The following MSRA variants were observed in gnomAD, a reference collection of about 807,000 sequenced individuals.
The protein encoded by MSRA is mitochondrial peptide methionine sulfoxide reductase.
A neutral mutation model predicts 31.3 loss-of-function variants in MSRA; 54 were observed. That is an observed-to-expected ratio of 1.73 (90% CI 1.39 to 2.17). MSRA has a LOEUF of 2.17. MSRA is among the 30% of genes most tolerant of loss of function. MSRA has a pLI of 0.00. For synonymous variants in MSRA, 169 were observed against 116.5 expected (o/e 1.45, Z -2.90); for missense variants, 507 against 300.9 (o/e 1.69, Z -5.07).
At chr8:10,421,506 C>T (rs773789451) in intron 5 of MSRA, among the ~76,000 whole-genome samples, 8 of 151,814 alleles carry the variant, frequency 5.3e-5, no homozygotes, top group South Asian at 2.1e-4. Flanking sequence ...GGTATGAGAG[C>T]GTGTCACCTC....
At chr8:10,259,416 C>G (rs745630511) in intron 3 of MSRA, among the ~76,000 whole-genome samples, 9 of 152,082 alleles carry the variant, frequency 5.9e-5, no homozygotes, top group Non-Finnish European at 1.0e-4. Context: ...AGGAACACTG[C>G]TCATAATTAG....
rs559879869 is a variant in MSRA, at chr8:10,369,079, C to T, written c.543+49090C>T. ...CCAAGCTCAGGATTCACAATGAGTT[C>T]GAGATGAACTCTACATTCAGTTTTT... On this transcript the variant is annotated intron_variant, in intron 5 of 5. Coordinates refer to ENST00000317173, the MANE Select transcript of MSRA (RefSeq NM_012331.5). Among the ~76,000 whole-genome samples the T allele has an allele frequency of 9.2e-5, 14 of 152,194 alleles. No homozygotes were observed. In the South Asian group the frequency reaches 2.3e-3, roughly 25 times the overall value.
intron 5 of MSRA, among the ~76,000 whole-genome samples, chr8:10,415,120 G>A (rs1157403525): frequency 6.6e-6 from 1 of 152,192 alleles, no homozygotes; most frequent in South Asian, 2.1e-4. Context: ...ATGGGTGGTT[G>A]CACATTTCAA....
At chr8:10,348,925 G>A (rs1040852333) in intron 5 of MSRA, among the ~76,000 whole-genome samples, 5 of 152,042 alleles carry the variant, frequency 3.3e-5, no homozygotes, top group Admixed American at 6.5e-5. Flanking sequence ...TGTTGCTCAC[G>A]AGATCTAAAA....
At chr8:10,118,197 C>T (rs539781862) in intron 1 of MSRA, among the ~76,000 whole-genome samples, 1 of 152,218 alleles carries the variant, frequency 6.6e-6, no homozygotes, top group East Asian at 1.9e-4. Context: ...GTTCATTGCC[C>T]ATATAGCCTT....
intron 3 of MSRA, among the ~76,000 whole-genome samples, chr8:10,248,823 T>C (rs960860088): frequency 2.6e-5 from 4 of 152,198 alleles, no homozygotes; most frequent in Non-Finnish European, 4.4e-5. Flanking sequence ...GCACCCGACA[T>C]GCGTAGAGAA....
chr8:10,312,850 T>C (rs1801508355), intron 4 of MSRA, among the ~76,000 whole-genome samples: 1 of 152,230 alleles, frequency 6.6e-6, no homozygotes, highest in Non-Finnish European at 1.5e-5. Context: ...TCAGTATTCA[T>C]AAATGATTTA....
intron 1 of MSRA, among the ~76,000 whole-genome samples, chr8:10,179,643 G>A (rs900129439): frequency 2.0e-5 from 3 of 152,178 alleles, no homozygotes; most frequent in Non-Finnish European, 2.9e-5. Flanking sequence ...AGCTGATGGG[G>A]CATATTAATT....
chr8:10,155,500 T>C (rs1253134575), intron 1 of MSRA, among the ~76,000 whole-genome samples: 1 of 152,160 alleles, frequency 6.6e-6, no homozygotes, highest in Non-Finnish European at 1.5e-5. Flanking sequence ...CTGAAGAGCG[T>C]AGAAGCTGTG....
chr8:10,289,711 C>A (rs1800129464), intron 3 of MSRA, among the ~76,000 whole-genome samples: 1 of 152,136 alleles, frequency 6.6e-6, no homozygotes, highest in Non-Finnish European at 1.5e-5. Flanking sequence ...GCTCGTAGGG[C>A]CTCTCTAGTT....
intron 1 of MSRA, among the ~76,000 whole-genome samples, chr8:10,198,025 G>T (rs1353309429): frequency 6.6e-6 from 1 of 152,196 alleles, no homozygotes; most frequent in Non-Finnish European, 1.5e-5. Flanking sequence ...AAACAGAGGA[G>T]TGGGACTTAG....
intron 5 of MSRA, among the ~76,000 whole-genome samples, chr8:10,408,793 C>T (rs568480403): frequency 7.1e-6 from 1 of 140,764 alleles, no homozygotes; most frequent in East Asian, 2.5e-4. Context: ...TATTTAGCTC[C>T]CATCCGTAAG....
intron 1 of MSRA, among the ~76,000 whole-genome samples, chr8:10,146,318 T>A (rs1361429939): frequency 1.3e-5 from 2 of 152,092 alleles, no homozygotes; most frequent in African/African-American, 4.8e-5. Context: ...CTTTGCAGTG[T>A]GGGTAGAATT....
At chr8:10,407,174 G>T (rs1176800796) in intron 5 of MSRA, among the ~76,000 whole-genome samples, 1 of 152,212 alleles carries the variant, frequency 6.6e-6, no homozygotes, top group Non-Finnish European at 1.5e-5. Context: ...ACCATGCCCA[G>T]CCTAGACTAT....
chr8:10,331,625 T>C (rs1000821227), intron 5 of MSRA, among the ~76,000 whole-genome samples: 2 of 152,168 alleles, frequency 1.3e-5, no homozygotes, highest in African/African-American at 4.8e-5. Flanking sequence ...TGGCGATACA[T>C]GCTAATCTTT....
At chr8:10,176,235 G>GA (rs1377921944) in intron 1 of MSRA, among the ~76,000 whole-genome samples, 2 of 152,240 alleles carry the variant, frequency 1.3e-5, no homozygotes, top group Non-Finnish European at 2.9e-5. Flanking sequence ...AGTTTCAGGA[G>GA]AGCCTGCCTG....
At chr8:10,194,255 C>G (rs577934012) in intron 1 of MSRA, among the ~76,000 whole-genome samples, 3 of 152,288 alleles carry the variant, frequency 2.0e-5, no homozygotes, top group African/African-American at 7.2e-5. Flanking sequence ...CTCTTAAAAT[C>G]CTTCCCCCCC....
At chr8:10,353,491 GGAGGCCC>G in intron 5 of MSRA, 1 of 397,790 alleles carries the variant, frequency 2.5e-6, no homozygotes, top group South Asian at 1.9e-5. Flanking sequence ...CCGGAGGCCC[GGAGGCCC>G]GTGTATCTGT....
At chr8:10,067,727 G>C (rs1229763161) in intron 1 of MSRA, among the ~76,000 whole-genome samples, 1 of 152,080 alleles carries the variant, frequency 6.6e-6, no homozygotes, top group Admixed American at 6.5e-5. Flanking sequence ...GACATTTAGT[G>C]GGATCTCATT....
Sources: allele counts gnomAD v4.1 joint callset (sites outside exome capture counted in the v4.1 genomes callset), GRCh38; gene constraint gnomAD v4.1.1; transcripts MANE v1.5; gene names NCBI Gene and HGNC (gene_info 2026-07-23, HGNC 2026-07-21).